The following LRBA variants were observed in gnomAD, a reference collection of about 807,000 sequenced individuals.
LRBA encodes the protein LPS responsive beige-like anchor protein.
Under a neutral mutation model 330.0 loss-of-function variants are expected in LRBA, and 176 were observed. The ratio of observed to expected loss-of-function variants is 0.53; its 90% confidence interval spans 0.47 to 0.60. The LOEUF (loss-of-function observed/expected upper bound fraction) is 0.60, where lower values mean the gene tolerates loss of function less well. Among genes scored for constraint, LRBA ranks in the 20% least tolerant of loss-of-function variants. The probability of loss-of-function intolerance (pLI) is 0.00; values close to 1 mark genes in which losing one functional copy is unlikely to be tolerated. For synonymous variants in LRBA, 1,230 were observed against 1,193.0 expected (o/e 1.03, Z -0.64); for missense variants, 3,259 against 3,444.8 (o/e 0.95, Z 1.35).
intron 37 of LRBA, among the ~76,000 whole-genome samples, chr4:150,619,932 A>C (rs1186836778): frequency 1.3e-5 from 2 of 152,174 alleles, no homozygotes; most frequent in Non-Finnish European, 2.9e-5. Context: ...TCAGTTTTAC[A>C]CAACATAGCA....
At chr4:150,798,268 G>A (rs1193072036) in intron 33 of LRBA, 126 bp from the exon 34 acceptor site, 22 of 612,378 alleles carry the variant, frequency 3.6e-5, no homozygotes, top group Non-Finnish European at 3.3e-5. Context: ...TTAATCACAT[G>A]ATCAAATAAG....
chr4:150,535,330 G>T lies in LRBA; in HGVS notation c.6331-44295C>A, dbSNP rs566412520. Among the ~76,000 whole-genome samples the T allele has an allele frequency of 1.6e-4, 25 of 152,168 alleles. 1 individual carries two copies. In the South Asian group the frequency reaches 4.8e-3, roughly 29 times the overall value. ...TTTCTTTATTTTTTGTAAAGATGGG[G>T]TCTCACTATGTTGCCTAGGCTGGTC... On this transcript the variant is annotated intron_variant, in intron 40 of 56. Coordinates refer to ENST00000651943, the MANE Select transcript of LRBA (RefSeq NM_001364905.1).
chr4:150,558,137 G>A (rs1256217163), intron 40 of LRBA, among the ~76,000 whole-genome samples: 4 of 152,076 alleles, frequency 2.6e-5, no homozygotes, highest in African/African-American at 9.7e-5. Flanking sequence ...AACCTCAAAT[G>A]ATCCACCTGC....
intron 40 of LRBA, among the ~76,000 whole-genome samples, chr4:150,554,590 GA>G (rs528192708): frequency 6.6e-6 from 1 of 151,948 alleles, no homozygotes; most frequent in Non-Finnish European, 1.5e-5. Flanking sequence ...TGACAATAAA[GA>G]ATCAATCACA....
At chr4:150,835,812 G>C (rs551565739) in intron 28 of LRBA, among the ~76,000 whole-genome samples, 2 of 152,194 alleles carry the variant, frequency 1.3e-5, no homozygotes, top group Admixed American at 1.3e-4. Flanking sequence ...CTGACGGATT[G>C]CCCTGGCCAG....
intron 2 of LRBA, among the ~76,000 whole-genome samples, chr4:150,975,733 A>C (rs906464680): frequency 6.6e-6 from 1 of 152,126 alleles, no homozygotes; most frequent in Admixed American, 6.5e-5. Context: ...ATAATCAATG[A>C]ATATAAAAAT....
intron 22 of LRBA, among the ~76,000 whole-genome samples, chr4:150,854,867 T>C (rs1022353221): frequency 6.6e-6 from 1 of 152,186 alleles, no homozygotes; most frequent in African/African-American, 2.4e-5. Flanking sequence ...TAGATTATGA[T>C]TGTAGAACAT....
At chr4:150,729,890 G>A (rs1730207225) in intron 36 of LRBA, among the ~76,000 whole-genome samples, 1 of 152,134 alleles carries the variant, frequency 6.6e-6, no homozygotes, top group Non-Finnish European at 1.5e-5. Context: ...ACAAACATTG[G>A]AGAAAAGACA....
At position 150,788,331 on chromosome 4, in the gene LRBA, G is replaced by A. The variant is rs371926320; in HGVS notation, c.5580+9750C>T. 3.0e-4 allele frequency among the ~76,000 whole-genome samples: 43 copies of A among 144,674 alleles called. 1 individual carries two copies. The South Asian group carries it at 9.0e-3, about 30-fold the overall frequency. 94.9% of individuals were successfully genotyped at this position (144,674 alleles called of 152,430 possible). ...CCAGGCTGGTCTCAAACTCCTGCCTGTGATAATCCATCCACCTACTCCTCC... is the reference window on the plus strand; with the variant it reads ...CCAGGCTGGTCTCAAACTCCTGCCTATGATAATCCATCCACCTACTCCTCC... On this transcript the variant is annotated intron_variant, in intron 34 of 56. Coordinates refer to ENST00000651943, the MANE Select transcript of LRBA (RefSeq NM_001364905.1).
intron 28 of LRBA, among the ~76,000 whole-genome samples, chr4:150,833,422 G>T (rs1449821682): frequency 6.6e-6 from 1 of 152,012 alleles, no homozygotes; most frequent in Admixed American, 6.6e-5. Flanking sequence ...TTCCCTATCA[G>T]ATAAATCCAG....
At chr4:150,745,560 G>A (rs1340305940) in intron 35 of LRBA, among the ~76,000 whole-genome samples, 1 of 152,036 alleles carries the variant, frequency 6.6e-6, no homozygotes, top group East Asian at 1.9e-4. Flanking sequence ...CTGTCGCCCA[G>A]GCTGGAGTGC....
chr4:150,717,675 G>GTAGTAATAATAATAATAATAATAA (rs1553944910), intron 36 of LRBA, among the ~76,000 whole-genome samples: 2 of 139,778 alleles, frequency 1.4e-5, no homozygotes, highest in African/African-American at 2.6e-5. Flanking sequence ...AACAATAATA[G>GTAGTAATAATAATAATAATAATAA]TAATAATAAT....
chr4:150,631,403 T>C (rs1581864563), intron 37 of LRBA, among the ~76,000 whole-genome samples: 1 of 152,150 alleles, frequency 6.6e-6, no homozygotes, highest in African/African-American at 2.4e-5. Context: ...TATGAGAAAA[T>C]TGGAGTGGAA....
intron 37 of LRBA, among the ~76,000 whole-genome samples, chr4:150,670,642 A>T (rs996092586): frequency 6.6e-6 from 1 of 152,206 alleles, no homozygotes; most frequent in African/African-American, 2.4e-5. Flanking sequence ...TTCTCAGGAG[A>T]CAGGGCTAGG....
At chr4:150,914,453 A>C (rs1453368883) in intron 8 of LRBA, 112 bp from the exon 9 acceptor site, 2 of 627,712 alleles carry the variant, frequency 3.2e-6, no homozygotes, top group Non-Finnish European at 5.0e-6. Flanking sequence ...ATCTAAATAG[A>C]CTAACATAAT....
At position 150,928,509 on chromosome 4, in the gene LRBA, T is replaced by G; in HGVS notation, c.549+7A>C. On this transcript the variant is annotated splice_region_variant and intron_variant, in intron 4 of 56. Transcript: ENST00000651943. ...TAAAATACCAAAGAGTACTTAAGTT[T>G]TTTTACCCATCGTCCTTTATCTCCT... The G allele has an allele frequency of 6.2e-7, 1 of 1,603,548 alleles. No individual in the cohort carries two copies. The highest frequency in any genetic ancestry group is 1.1e-5 in the South Asian group (1 of 90,178).
intron 22 of LRBA, among the ~76,000 whole-genome samples, chr4:150,858,435 C>T (rs1751489651): frequency 6.6e-6 from 1 of 151,878 alleles, no homozygotes; most frequent in Non-Finnish European, 1.5e-5. Context: ...CACACAAACA[C>T]TCACACAGAA....
intron 40 of LRBA, among the ~76,000 whole-genome samples, chr4:150,559,885 TTA>T (rs1561352537): frequency 2.5e-5 from 1 of 40,088 alleles, no homozygotes; most frequent in African/African-American, 9.0e-5. Context: ...TTATATATAA[TTA>T]TATATAATTA....
intron 41 of LRBA, among the ~76,000 whole-genome samples, chr4:150,489,278 T>TTATATATTCG (rs1554039169): frequency 5.1e-5 from 3 of 59,002 alleles, no homozygotes; most frequent in Non-Finnish European, 8.4e-5. Flanking sequence ...ATATAATATA[T>TTATATATTCG]TATATATAAG....
Sources: gnomAD v4.1 joint callset for allele counts (sites outside exome capture counted in the v4.1 genomes callset) on GRCh38, gnomAD v4.1.1 for gene constraint, MANE v1.5 for transcripts, NCBI Gene and HGNC (gene_info 2026-07-23, HGNC 2026-07-21) for gene names.